The following PLAAT5 variants were observed in gnomAD, a reference collection of about 807,000 sequenced individuals.
The protein encoded by PLAAT5 is phospholipase A and acyltransferase 5.
PLAAT5 carries 27 observed loss-of-function variants against 27.8 expected under a neutral mutation model. That is an observed-to-expected ratio of 0.97 (90% CI 0.72 to 1.34). PLAAT5 has a LOEUF of 1.34. Among genes scored for constraint, PLAAT5 ranks in the 40% most tolerant of loss-of-function variants. PLAAT5 has a pLI of 0.00. For synonymous variants in PLAAT5, 125 were observed against 136.1 expected (o/e 0.92, Z 0.57); for missense variants, 368 against 343.8 (o/e 1.07, Z -0.56).
At chr11:63,466,473 G>C in intron 4 of PLAAT5, 101 bp from the exon 5 acceptor site, 3 of 1,182,482 alleles carry the variant, frequency 2.5e-6, no homozygotes, top group Non-Finnish European at 3.5e-6. Context: ...AGTCTCATTG[G>C]CACCATCAGT....
chr11:63,490,959 C>A lies in PLAAT5; in HGVS notation c.76G>T (p.Ala26Ser), dbSNP rs758056734. 4.2e-5 allele frequency: 66 copies of A among 1,589,240 alleles called. 1 individual carries two copies. Among genetic ancestry groups the A allele is most frequent in the African/African-American group, 1.2e-4 (9 of 73,568 alleles). Residue 26 changes from alanine to serine, a missense_variant, in exon 1 of 6, where the codon GCC becomes TCC. Transcript: ENST00000540857. ...GGCCCGGTACTGGCGGTTCGCGAGG[C>A]GGGTTTGGGGAGGGGTGGGGGAATC... The part of the protein sequence containing the change: ...PRIPPPLPKP[A>S]SRTASTGPKD...
chr11:63,487,182 T>C (rs1028729943), intron 3 of PLAAT5, among the ~76,000 whole-genome samples: 1 of 152,216 alleles, frequency 6.6e-6, no homozygotes, highest in African/African-American at 2.4e-5. Context: ...AGAGAAAATA[T>C]TATAAAGTAT....
intron 4 of PLAAT5, among the ~76,000 whole-genome samples, chr11:63,467,595 CA>C (rs1471900439): frequency 2.0e-5 from 3 of 152,148 alleles, no homozygotes; most frequent in Non-Finnish European, 4.4e-5. Context: ...GCACAGGAGA[CA>C]GCATTCAAAG....
In PLAAT5 at chr11:63,461,534, G is replaced by A. The variant is rs139218442; in HGVS notation, c.*1969C>T. The A allele has an allele frequency of 1.3e-5, 2 of 152,282 alleles. No homozygotes were observed. Among genetic ancestry groups the A allele is most frequent in the African/African-American group, 2.4e-5 (1 of 41,538 alleles). 9.4% of individuals were successfully genotyped at this position (152,282 alleles called of 1,614,324 possible). A position where few individuals can be genotyped will look rare whatever the true frequency, so the allele number is the denominator to read the frequency against. On this transcript the variant is annotated 3_prime_UTR_variant, in exon 6 of 6. Transcript: ENST00000540857. ...TCAACAAGACTAAGAAGCCGCACCC[G>A]AGTGGTCCCACTCAAAAAAGAGATT...
At chr11:63,477,753 G>C (rs545927266) in intron 3 of PLAAT5, among the ~76,000 whole-genome samples, 2 of 152,270 alleles carry the variant, frequency 1.3e-5, no homozygotes, top group South Asian at 4.2e-4. Flanking sequence ...GATTACAGGC[G>C]TGAGCCACAG....
chr11:63,477,467 C>G (rs140874002), intron 3 of PLAAT5, among the ~76,000 whole-genome samples: 12 of 152,036 alleles, frequency 7.9e-5, no homozygotes, highest in African/African-American at 2.9e-4. Flanking sequence ...GAGTTTTTTT[C>G]TTGTTTTTAT....
intron 3 of PLAAT5, among the ~76,000 whole-genome samples, chr11:63,487,589 G>A (rs760159657): frequency 2.6e-4 from 40 of 152,088 alleles, no homozygotes; most frequent in Non-Finnish European, 5.4e-4. Flanking sequence ...AAGGAAAACA[G>A]TAAATTAAAT....
At position 63,466,110 on chromosome 11, in the gene PLAAT5, C is replaced by T; in HGVS notation, c.717G>A (p.Gln239=). 6.2e-7 allele frequency: 1 copy of T among 1,613,258 alleles called. No individual in the cohort carries two copies. The highest frequency in any genetic ancestry group is 8.5e-7 in the Non-Finnish European group (1 of 1,179,610). The stretch of plus-strand genomic sequence containing the variant: ...ATCATCAGAGCAAATGGGGTCACAC[C>T]TGCTGGCTCCGGGGTACGCCATATC... ...GLRYGVPRSQ[Q]VEHALMEGAK... The change falls in exon 5 of 6, where the codon CAG becomes CAA. Residue 239 remains glutamine, a splice_region_variant and synonymous_variant. Transcript: ENST00000540857.
intron 3 of PLAAT5, among the ~76,000 whole-genome samples, chr11:63,471,672 T>C (rs144623851): frequency 6.6e-6 from 1 of 152,358 alleles, no homozygotes; most frequent in East Asian, 1.9e-4. Context: ...TTCTTCTACA[T>C]GACAGTGAGA....
intron 4 of PLAAT5, among the ~76,000 whole-genome samples, chr11:63,468,020 G>A (rs984213812): frequency 1.3e-5 from 2 of 152,206 alleles, no homozygotes; most frequent in Non-Finnish European, 2.9e-5. Context: ...CACCCTCCTT[G>A]GGGAATCCTC....
At chr11:63,469,036 CCA>C (rs1354005979) in intron 3 of PLAAT5, among the ~76,000 whole-genome samples, 1 of 151,360 alleles carries the variant, frequency 6.6e-6, no homozygotes, top group Non-Finnish European at 1.5e-5. Flanking sequence ...CTCTGCACAC[CCA>C]CACCACCAGT....
chr11:63,490,940 G>A lies in PLAAT5; in HGVS notation c.95C>T (p.Thr32Ile). ...LPKPASRTAS[T>I]GPKDQPPALR... is the part of the protein sequence containing the mutation. ...CGCAGGCGGCTGGTCCTTGGGCCCG[G>A]TACTGGCGGTTCGCGAGGCGGGTTT... is the stretch of plus-strand genomic sequence containing the variant. Residue 32 changes from threonine (T) to isoleucine (I), a missense_variant, in exon 1 of 6, where the codon ACC (threonine) becomes ATC (isoleucine). Coordinates refer to ENST00000540857, the MANE Select transcript of PLAAT5 (RefSeq NM_001146729.2). 6.2e-7 allele frequency: 1 copy of A among 1,601,762 alleles called. No homozygotes were observed. The highest frequency in any genetic ancestry group is 8.5e-7 in the Non-Finnish European group (1 of 1,174,516).
intron 3 of PLAAT5, among the ~76,000 whole-genome samples, chr11:63,479,700 C>T (rs2016238649): frequency 6.6e-6 from 1 of 152,202 alleles, no homozygotes; most frequent in South Asian, 2.1e-4. Flanking sequence ...CCCATCCTCA[C>T]TGTTACAGTA....
chr11:63,472,278 CCA>C (rs1180783187), intron 3 of PLAAT5, among the ~76,000 whole-genome samples: 1 of 152,146 alleles, frequency 6.6e-6, no homozygotes, highest in Non-Finnish European at 1.5e-5. Flanking sequence ...AATCCTATAT[CCA>C]CACACACAGA....
intron 3 of PLAAT5, chr11:63,469,482 C>T (rs1039680118): frequency 8.3e-6 from 2 of 242,364 alleles, no homozygotes; most frequent in African/African-American, 4.6e-5. Context: ...GTTACATGTT[C>T]TCATTTCACC....
intron 3 of PLAAT5, among the ~76,000 whole-genome samples, chr11:63,483,708 A>C (rs1241426020): frequency 3.4e-5 from 5 of 145,176 alleles, no homozygotes; most frequent in Non-Finnish European, 7.6e-5. Flanking sequence ...AACAAGAATA[A>C]ACCAAACCTA....
chr11:63,465,056 TC>T (rs2015821479), intron 5 of PLAAT5, among the ~76,000 whole-genome samples: 1 of 152,038 alleles, frequency 6.6e-6, no homozygotes, highest in Admixed American at 6.5e-5. Flanking sequence ...GGCGGGTGGA[TC>T]ACCTGAGGTC....
chr11:63,466,013 A>G, intron 5 of PLAAT5, 97 bp downstream of exon 5: 3 of 1,276,060 alleles, frequency 2.4e-6, no homozygotes, highest in Non-Finnish European at 3.3e-6. Flanking sequence ...AACGAATAAT[A>G]TAATGAAAGC....
Position 63,490,960 on chromosome 11 carries a change from G to C in PLAAT5, c.75C>G (p.Pro25=). The part of the protein sequence containing the change: ...LPRIPPPLPK[P]ASRTASTGPK... ...GCCCGGTACTGGCGGTTCGCGAGGC[G>C]GGTTTGGGGAGGGGTGGGGGAATCC... The change falls in exon 1 of 6, where the codon CCC becomes CCG. Residue 25 remains proline (P), a synonymous_variant. Transcript: ENST00000540857. 6.3e-7 allele frequency: 1 copy of C among 1,593,430 alleles called. No individual in the cohort carries two copies. Among genetic ancestry groups the C allele is most frequent in the Non-Finnish European group, 8.5e-7 (1 of 1,170,390 alleles).
Sources: gnomAD v4.1 joint callset for allele counts (sites outside exome capture counted in the v4.1 genomes callset) on GRCh38, gnomAD v4.1.1 for gene constraint, MANE v1.5 for transcripts, NCBI Gene and HGNC (gene_info 2026-07-23, HGNC 2026-07-21) for gene names.